The following SLC19A3 variants were observed in gnomAD, a reference collection of about 807,000 sequenced individuals.
SLC19A3 encodes thiamine transporter 2.
SLC19A3 carries 31 observed loss-of-function variants against 40.2 expected under a neutral mutation model. The observed-to-expected ratio is 0.77, with a 90% CI of 0.58 to 1.04. SLC19A3 has a LOEUF of 1.04. Among genes scored for constraint, SLC19A3 ranks in the 50% least tolerant of loss-of-function variants. The probability of loss-of-function intolerance (pLI) is 0.00; values close to 1 mark genes in which losing one functional copy is unlikely to be tolerated. For missense variants in SLC19A3, 592 were observed against 596.7 expected, an observed-to-expected ratio of 0.99 and a Z score of 0.08; for synonymous variants, 212 against 227.5, an observed-to-expected ratio of 0.93 and a Z score of 0.61.
At chr2:227,706,216 G>A (rs182175390) in intron 1 of SLC19A3, 112 of 728,544 alleles carry the variant, frequency 1.5e-4, no homozygotes, top group African/African-American at 1.5e-3. Flanking sequence ...TTTTGATCCC[G>A]TCATATTATC....
At chr2:227,715,064 C>T (rs114557146) in intron 1 of SLC19A3, among the ~76,000 whole-genome samples, 1,887 of 152,214 alleles carry the variant, frequency 0.012, 20 homozygotes, top group Non-Finnish European at 0.02. Context: ...AAGTGCTCCA[C>T]CCGCCTCAGC....
At chr2:227,692,400 T>C (rs1695266705) in intron 4 of SLC19A3, among the ~76,000 whole-genome samples, 1 of 152,264 alleles carries the variant, frequency 6.6e-6, no homozygotes. Context: ...TCATTTAACA[T>C]ATGTAAATCA....
intron 4 of SLC19A3, among the ~76,000 whole-genome samples, chr2:227,690,561 G>C (rs981181169): frequency 4.6e-5 from 7 of 151,804 alleles, no homozygotes; most frequent in Non-Finnish European, 1.0e-4. Flanking sequence ...CAAAAAATTA[G>C]CTGGGCATGA....
At chr2:227,689,446 G>A (rs1268778798) in intron 4 of SLC19A3, among the ~76,000 whole-genome samples, 1 of 152,168 alleles carries the variant, frequency 6.6e-6, no homozygotes. Context: ...GAACCAGGGA[G>A]TGGCATGACA....
At position 227,687,357 on chromosome 2, in the gene SLC19A3, C is replaced by A. The variant is rs915952341; in HGVS notation, c.*40G>T. 2 of 1,565,882 alleles carry A rather than the reference C, an allele frequency of 1.3e-6. No individual in the cohort carries two copies. Among genetic ancestry groups the A allele is most frequent in the African/African-American group, 1.4e-5 (1 of 73,006 alleles). Reference sequence around the variant, plus strand: ...ATCTCAAAATCTTTCCTTATTATTGCATAACTTTGAAAGCCACTGTTGCGT... The same window carrying A: ...ATCTCAAAATCTTTCCTTATTATTGAATAACTTTGAAAGCCACTGTTGCGT... On this transcript the variant is annotated 3_prime_UTR_variant, in exon 6 of 6. Coordinates refer to ENST00000644224, the MANE Select transcript of SLC19A3 (RefSeq NM_025243.4).
chr2:227,704,653 C>A (rs891531210), intron 1 of SLC19A3, among the ~76,000 whole-genome samples: 3 of 152,072 alleles, frequency 2.0e-5, no homozygotes, highest in Admixed American at 2.0e-4. Context: ...AATTCCCATT[C>A]TAAACTGAGC....
intron 4 of SLC19A3, among the ~76,000 whole-genome samples, chr2:227,689,305 G>A (rs1392346174): frequency 6.6e-6 from 1 of 152,148 alleles, no homozygotes; most frequent in East Asian, 1.9e-4. Flanking sequence ...AGACTACTTA[G>A]AGGTATTTAA....
At chr2:227,714,623 G>T (rs541039515) in intron 1 of SLC19A3, 12 of 979,174 alleles carry the variant, frequency 1.2e-5, no homozygotes, top group Admixed American at 6.6e-5. Flanking sequence ...AGCTTTATAC[G>T]CAGAAGCCCA....
rs1695100357 is a variant in SLC19A3 at position 227,688,375 on chromosome 2, C to T, written c.1173-68G>A. The stretch of plus-strand genomic sequence containing the variant: ...GGATGGAAGTCTTAAAAAGATAGAA[C>T]ATATTGGCCACAGGGGTATTTGTGT... On this transcript the variant is annotated intron_variant, in intron 4 of 5. Coordinates refer to ENST00000644224, the MANE Select transcript of SLC19A3 (RefSeq NM_025243.4). 3.4e-6 allele frequency: 5 copies of T among 1,489,768 alleles called. No homozygotes were observed. The African/African-American group carries it at 4.2e-5, about 12-fold the overall frequency. The allele number at this position is 1,489,768 out of a possible 1,614,324, so 92.3% of individuals were successfully genotyped here.
In SLC19A3 at chr2:227,687,079, T is replaced by C. The variant is rs1279984000; in HGVS notation, c.*318A>G. The C allele has an allele frequency of 4.5e-6, 1 of 223,008 alleles. No individual in the cohort carries two copies. The highest frequency in any genetic ancestry group is 2.3e-5 in the African/African-American group (1 of 43,730). 13.8% of individuals were successfully genotyped at this position (223,008 alleles called of 1,614,324 possible). On this transcript the variant is annotated 3_prime_UTR_variant, in exon 6 of 6. Transcript: ENST00000644224. ...ATCAACTCCAGGATGGCTGGAGTTT[T>C]CTCATGGTTTGGTTCCACGCCATCT...
rs141957107 is a variant in SLC19A3 at position 227,688,165 on chromosome 2, C to T, written c.1314+1G>A. Reference sequence around the variant, plus strand: ...TTGAAAACAGAAGTATTGCAGCTTACCTGAATGCTGACTGGCAAGTTGAGC... The same window carrying T: ...TTGAAAACAGAAGTATTGCAGCTTATCTGAATGCTGACTGGCAAGTTGAGC... On this transcript the variant is annotated splice_donor_variant, in intron 5 of 5. Coordinates refer to ENST00000644224, the MANE Select transcript of SLC19A3 (RefSeq NM_025243.4). LOFTEE classifies it high-confidence loss of function. 7 of 1,613,972 alleles carry T rather than the reference C, an allele frequency of 4.3e-6. No individual in the cohort carries two copies. Among genetic ancestry groups the T allele is most frequent in the Non-Finnish European group, 5.1e-6 (6 of 1,179,920 alleles).
intron 1 of SLC19A3, among the ~76,000 whole-genome samples, chr2:227,713,191 C>T (rs1696198441): frequency 1.3e-5 from 2 of 151,688 alleles, no homozygotes; most frequent in African/African-American, 2.4e-5. Flanking sequence ...TGCTTGAGGC[C>T]GGGAGTTCAA....
intron 4 of SLC19A3, among the ~76,000 whole-genome samples, chr2:227,691,155 A>G (rs1306037130): frequency 6.6e-6 from 1 of 152,352 alleles, no homozygotes. Flanking sequence ...AAATTAAACA[A>G]TATGCCCCTG....
chr2:227,697,003 T>C (rs1695463597), intron 3 of SLC19A3, among the ~76,000 whole-genome samples: 1 of 152,126 alleles, frequency 6.6e-6, no homozygotes, highest in Admixed American at 6.5e-5. Flanking sequence ...AGGCAGAGTT[T>C]GCAATGAGCT....
intron 1 of SLC19A3, 68 bp downstream of exon 1, chr2:227,717,875 G>A (rs1696385257): frequency 3.1e-6 from 3 of 978,650 alleles, no homozygotes; most frequent in South Asian, 4.7e-5. Context: ...GGAAGAGAGA[G>A]GCGACACTGC....
At chr2:227,713,023 C>T (rs1047817136) in intron 1 of SLC19A3, among the ~76,000 whole-genome samples, 2 of 152,134 alleles carry the variant, frequency 1.3e-5, no homozygotes, top group Non-Finnish European at 2.9e-5. Flanking sequence ...CTCATGCATT[C>T]ATACTATACA....
At chr2:227,692,746 A>C (rs1445092741) in intron 4 of SLC19A3, among the ~76,000 whole-genome samples, 2 of 152,208 alleles carry the variant, frequency 1.3e-5, no homozygotes, top group East Asian at 1.9e-4. Flanking sequence ...CCACATTGGA[A>C]AGGATCAAGT....
rs1204737178 is a variant in SLC19A3, at chr2:227,702,298, T to A, written c.21A>T (p.Ser7=). 18 of 1,614,082 alleles carry A rather than the reference T, an allele frequency of 1.1e-5. No individual in the cohort carries two copies. The highest frequency in any genetic ancestry group is 1.5e-5 in the Non-Finnish European group (18 of 1,180,008). Residue 7 remains serine, a synonymous_variant, in exon 2 of 6, where the codon TCA becomes TCT. Coordinates refer to ENST00000644224, the MANE Select transcript of SLC19A3 (RefSeq NM_025243.4). MDCYRT[S]LSSSWIYPTV... Reference sequence around the variant, plus strand: ...TGGGGTAAATCCAGGAACTGCTTAGTGAAGTTCTGTAACAATCCATGGCTG... The same window carrying A: ...TGGGGTAAATCCAGGAACTGCTTAGAGAAGTTCTGTAACAATCCATGGCTG...
At chr2:227,716,299 C>T (rs562944591) in intron 1 of SLC19A3, among the ~76,000 whole-genome samples, 2 of 152,266 alleles carry the variant, frequency 1.3e-5, no homozygotes, top group African/African-American at 4.8e-5. Flanking sequence ...TCCTGATCTA[C>T]GAATGTACCC....
Sources: allele counts gnomAD v4.1 joint callset (sites outside exome capture counted in the v4.1 genomes callset), GRCh38; gene constraint gnomAD v4.1.1; transcripts MANE v1.5; gene names NCBI Gene and HGNC (gene_info 2026-07-23, HGNC 2026-07-21).